Variants in PDE1A observed in about 807,000 individuals in gnomAD.
PDE1A encodes the protein dual specificity calcium/calmodulin-dependent 3',5'-cyclic nucleotide phosphodiesterase 1A.
A neutral mutation model predicts 61.7 loss-of-function variants in PDE1A; 35 were observed. The ratio of observed to expected loss-of-function variants is 0.57; its 90% CI spans 0.43 to 0.75. The LOEUF is 0.75. Among genes scored for constraint, PDE1A ranks in the 30% least tolerant of loss-of-function variants. The probability of loss-of-function intolerance (pLI) is 0.00; values close to 1 mark genes in which losing one functional copy is unlikely to be tolerated. For missense variants in PDE1A, 597 were observed against 630.6 expected (o/e 0.95, Z 0.57); for synonymous variants, 232 against 213.2 (o/e 1.09, Z -0.77).
intron 1 of PDE1A, among the ~76,000 whole-genome samples, chr2:182,409,152 C>T (rs1395489091): frequency 6.6e-6 from 1 of 152,164 alleles, no homozygotes; most frequent in Non-Finnish European, 1.5e-5. Context: ...ATCCTCCTCC[C>T]TTCTCCTTTT....
intron 2 of PDE1A, among the ~76,000 whole-genome samples, chr2:182,432,523 G>A (rs1191552143): frequency 1.3e-5 from 2 of 152,020 alleles, no homozygotes; most frequent in South Asian, 2.1e-4. Flanking sequence ...AGGGATTAGT[G>A]TCTGTTGTAT....
At chr2:182,586,275 G>A in the PDE1A span, among the ~76,000 whole-genome samples, 1 of 151,994 alleles carries the variant, frequency 6.6e-6, no homozygotes, top group Non-Finnish European at 1.5e-5. Flanking sequence ...TAACTAGAAG[G>A]GATAAGAAAA....
intron 1 of PDE1A, among the ~76,000 whole-genome samples, chr2:182,317,132 T>C (rs1574334051): frequency 6.6e-6 from 1 of 152,182 alleles, no homozygotes; most frequent in Admixed American, 6.6e-5. Context: ...AACCAGATGT[T>C]AGCACTCACA....
intron 2 of PDE1A, among the ~76,000 whole-genome samples, chr2:182,489,844 T>A (rs1407070476): frequency 2.0e-5 from 3 of 152,156 alleles, no homozygotes; most frequent in Non-Finnish European, 4.4e-5. Flanking sequence ...GCTGCAGATA[T>A]AAATGTGGCA....
chr2:182,147,359 T>C (rs552440475), intron 13 of PDE1A, among the ~76,000 whole-genome samples: 1 of 152,344 alleles, frequency 6.6e-6, no homozygotes, highest in Non-Finnish European at 1.5e-5. Context: ...GTTGGTTACA[T>C]AACTTTCTCA....
At chr2:182,476,545 T>A (rs1687377233) in intron 2 of PDE1A, among the ~76,000 whole-genome samples, 1 of 151,954 alleles carries the variant, frequency 6.6e-6, no homozygotes, top group South Asian at 2.1e-4. Flanking sequence ...TGTTATTTCA[T>A]AATGCACACA....
chr2:182,231,732 A>G (rs1835880), intron 4 of PDE1A, among the ~76,000 whole-genome samples: 109,290 of 151,764 alleles, frequency 0.72, 39,924 homozygotes, highest in African/African-American at 0.85. Flanking sequence ...TGACCAACAT[A>G]GTGAAACCCC....
chr2:182,448,567 A>C (rs1026550069), intron 2 of PDE1A, among the ~76,000 whole-genome samples: 13 of 152,066 alleles, frequency 8.5e-5, no homozygotes, highest in Non-Finnish European at 1.8e-4. Context: ...GAAAGAAAAA[A>C]CTTCAAAGGC....
At chr2:182,467,592 A>G (rs532104684) in intron 2 of PDE1A, among the ~76,000 whole-genome samples, 2 of 152,098 alleles carry the variant, frequency 1.3e-5, no homozygotes, top group African/African-American at 4.8e-5. Flanking sequence ...CCAAACAAAG[A>G]TAACACAAGA....
At chr2:182,700,355 T>A in the PDE1A span, among the ~76,000 whole-genome samples, 1 of 79,262 alleles carries the variant, frequency 1.3e-5, no homozygotes, top group African/African-American at 6.7e-5. Context: ...GTGGATCACC[T>A]GAGGTCAGGA....
chr2:182,451,125 TCCC>T (rs1685488390), intron 2 of PDE1A, among the ~76,000 whole-genome samples: 3 of 83,280 alleles, frequency 3.6e-5, no homozygotes, highest in Non-Finnish European at 5.0e-5. Context: ...ACGCCTGTAA[TCCC>T]AGCACTTTGG....
chr2:182,446,234 A>G (rs1315407548), intron 2 of PDE1A, among the ~76,000 whole-genome samples: 1 of 152,114 alleles, frequency 6.6e-6, no homozygotes, highest in Non-Finnish European at 1.5e-5. Flanking sequence ...AAAAGCATGC[A>G]TAATTACCAC....
the PDE1A span, among the ~76,000 whole-genome samples, chr2:182,602,235 G>A: frequency 6.6e-6 from 1 of 152,232 alleles, no homozygotes; most frequent in South Asian, 2.1e-4. Context: ...GGCTTGGGCA[G>A]CTGCAGCAAC....
chr2:182,272,168 G>C (rs973247977), intron 1 of PDE1A, among the ~76,000 whole-genome samples: 2 of 152,106 alleles, frequency 1.3e-5, no homozygotes, highest in Non-Finnish European at 2.9e-5. Context: ...GAATACAGAA[G>C]AGAATTAGAC....
chr2:182,710,480 T>A, the PDE1A span, among the ~76,000 whole-genome samples: 2 of 152,152 alleles, frequency 1.3e-5, no homozygotes, highest in African/African-American at 4.8e-5. Context: ...CAACTTAAAG[T>A]TTGTTCTTTT....
the PDE1A span, among the ~76,000 whole-genome samples, chr2:182,610,563 G>T: frequency 6.6e-6 from 1 of 151,900 alleles, no homozygotes; most frequent in Non-Finnish European, 1.5e-5. Flanking sequence ...TATTTTAAAG[G>T]ATTACATTGT....
chr2:182,542,455 G>A, the PDE1A span, among the ~76,000 whole-genome samples: 2 of 152,020 alleles, frequency 1.3e-5, no homozygotes, highest in Admixed American at 1.3e-4. Context: ...AAAATATCTT[G>A]CATTCTGTAT....
chr2:182,465,375 CAA>C (rs1686587090), intron 2 of PDE1A, among the ~76,000 whole-genome samples: 1 of 151,576 alleles, frequency 6.6e-6, no homozygotes, highest in Admixed American at 6.6e-5. Flanking sequence ...TACTTTGATT[CAA>C]AAAACAGTTC....
intron 2 of PDE1A, among the ~76,000 whole-genome samples, chr2:182,243,177 A>G (rs1402886416): frequency 6.6e-6 from 1 of 152,156 alleles, no homozygotes; most frequent in Non-Finnish European, 1.5e-5. Context: ...CTGTTTAAAC[A>G]TTACAGAATT....
Sources: gnomAD v4.1 joint callset for allele counts (sites outside exome capture counted in the v4.1 genomes callset) on GRCh38, gnomAD v4.1.1 for gene constraint, MANE v1.5 for transcripts, NCBI Gene and HGNC (gene_info 2026-07-23, HGNC 2026-07-21) for gene names.